The following UNC79 variants were observed in gnomAD, a reference collection of about 807,000 sequenced individuals.
The protein encoded by UNC79 is unc-79 subunit of NALCN channel complex, also known as protein unc-79 homolog.
In UNC79, 37 loss-of-function variants were observed where a neutral mutation model predicts 283.1. That is an observed-to-expected ratio of 0.13 (90% CI 0.10 to 0.17). The LOEUF (loss-of-function observed/expected upper bound fraction) is 0.17, where lower values mean the gene tolerates loss of function less well. Ranked by LOEUF, UNC79 falls within the 10% of genes least tolerant of loss-of-function variation. UNC79 has a pLI of 1.00. For synonymous variants in UNC79, 1,107 were observed against 1,200.2 expected (o/e 0.92, Z 1.61); for missense variants, 2,272 against 3,211.1 (o/e 0.71, Z 7.07).
At chr14:93,452,452 G>A (rs537073897) in intron 1 of UNC79, among the ~76,000 whole-genome samples, 24 of 148,032 alleles carry the variant, frequency 1.6e-4, no homozygotes, top group African/African-American at 5.5e-4. Context: ...GCAATGGCGC[G>A]ATCTCGGCTC....
chr14:93,529,176 AC>A, intron 9 of UNC79, 109 bp from the exon 10 acceptor site: 1 of 1,043,946 alleles, frequency 9.6e-7, no homozygotes, highest in Non-Finnish European at 1.4e-6. Context: ...TCTTAATTAT[AC>A]TTCCTTTCTA....
At chr14:93,349,027 G>A (rs1455659494) in intron 1 of UNC79, among the ~76,000 whole-genome samples, 1 of 152,188 alleles carries the variant, frequency 6.6e-6, no homozygotes, top group African/African-American at 2.4e-5. Flanking sequence ...GCCTTTAAGA[G>A]CTGTAACACT....
intron 40 of UNC79, among the ~76,000 whole-genome samples, chr14:93,663,670 T>C (rs1268835877): frequency 6.6e-6 from 1 of 152,210 alleles, no homozygotes; most frequent in African/African-American, 2.4e-5. Flanking sequence ...AGAAACTATT[T>C]ATTACCCTGC....
chr14:93,610,615 CTT>C (rs200749234), intron 26 of UNC79, among the ~76,000 whole-genome samples: 11 of 144,948 alleles, frequency 7.6e-5, no homozygotes, highest in Admixed American at 6.9e-5. Context: ...TTCTTTCTTT[CTT>C]TTTTTTTTTT....
exon 18 of UNC79, chr14:93,577,910 C>A: frequency 6.2e-7 from 1 of 1,614,186 alleles, no homozygotes; most frequent in East Asian, 2.2e-5. Flanking sequence ...ATAGTCCTTT[C>A]CAGAGTCCGT....
intron 4 of UNC79, among the ~76,000 whole-genome samples, chr14:93,486,243 C>T (rs1354104699): frequency 2.6e-5 from 4 of 152,072 alleles, no homozygotes; most frequent in African/African-American, 7.2e-5. Flanking sequence ...AAGTGTAAGG[C>T]GAGGTTTCTT....
At chr14:93,490,332 T>C (rs1489290847) in intron 5 of UNC79, among the ~76,000 whole-genome samples, 2 of 152,176 alleles carry the variant, frequency 1.3e-5, no homozygotes, top group African/African-American at 4.8e-5. Context: ...CTTCATCCTG[T>C]CAATACAGAT....
chr14:93,385,318 A>G (rs2054748000), intron 1 of UNC79, among the ~76,000 whole-genome samples: 1 of 152,110 alleles, frequency 6.6e-6, no homozygotes, highest in African/African-American at 2.4e-5. Context: ...ATCTCTTTCT[A>G]TTTTTTGGTG....
intron 41 of UNC79, among the ~76,000 whole-genome samples, chr14:93,680,749 C>T (rs960813499): frequency 6.6e-6 from 1 of 152,174 alleles, no homozygotes; most frequent in African/African-American, 2.4e-5. Context: ...TGTGCCACCA[C>T]ACCTGGCTAA....
At chr14:93,334,803 A>G (rs556956645) in intron 1 of UNC79, 1 of 152,328 alleles carries the variant, frequency 6.6e-6, no homozygotes, top group Non-Finnish European at 1.5e-5. Flanking sequence ...GGATTGGGGT[A>G]TATGTGGTGG....
chr14:93,566,152 C>T (rs1369378600), intron 14 of UNC79, among the ~76,000 whole-genome samples: 2 of 152,162 alleles, frequency 1.3e-5, no homozygotes, highest in Non-Finnish European at 2.9e-5. Context: ...ATCATGCTGG[C>T]TCACAAGCCT....
intron 22 of UNC79, 106 bp downstream of exon 22, chr14:93,587,014 C>T (rs2064267804): frequency 1.4e-6 from 2 of 1,397,172 alleles, no homozygotes; most frequent in Non-Finnish European, 1.9e-6. Flanking sequence ...ATTTTTTGAG[C>T]CAGGACAGCT....
chr14:93,611,378 TCAG>T (rs1189184228), intron 26 of UNC79, among the ~76,000 whole-genome samples: 1 of 152,172 alleles, frequency 6.6e-6, no homozygotes, highest in Non-Finnish European at 1.5e-5. Flanking sequence ...CTATCCCTTC[TCAG>T]CAGTTCACTT....
intron 10 of UNC79, 91 bp downstream of exon 10, chr14:93,529,417 A>C: frequency 1.4e-6 from 2 of 1,395,268 alleles, no homozygotes; most frequent in Non-Finnish European, 2.0e-6. Context: ...TATTTTACAA[A>C]GACAGTCACC....
rs139149620 is a variant in UNC79 at position 93,630,855 on chromosome 14, C to T, written c.5663C>T (p.Ala1888Val). 215 of 1,613,926 alleles carry T rather than the reference C, an allele frequency of 1.3e-4. No homozygotes were observed. Among genetic ancestry groups the T allele is most frequent in the Middle Eastern group, 1.6e-4 (1 of 6,084 alleles). Residue 1888 changes from alanine to valine, a missense_variant, in exon 31 of 49, where the codon GCC becomes GTC. Physicochemically the swap from Ala to Val is moderately conservative, Grantham distance 64. Coordinates refer to ENST00000555664, the Ensembl canonical transcript of UNC79. ...GAAATGCCACGAGAATCTTCATCTG[C>T]CCCTACGTTAGATGCAGGTGTGCCG... is the stretch of plus-strand genomic sequence containing the variant.
At chr14:93,663,338 T>A (rs765890355) in intron 40 of UNC79, among the ~76,000 whole-genome samples, 2 of 152,230 alleles carry the variant, frequency 1.3e-5, no homozygotes, top group Non-Finnish European at 2.9e-5. Flanking sequence ...AGCTGGTAGA[T>A]GCTGTCCTAA....
intron 33 of UNC79, 116 bp from the exon 37 acceptor site, chr14:93,643,441 A>G: frequency 6.9e-7 from 1 of 1,450,348 alleles, no homozygotes; most frequent in South Asian, 1.2e-5. Context: ...GGGGCTCCTG[A>G]TCTCCTTTTG....
chr14:93,524,243 A>C, intron 8 of UNC79, among the ~76,000 whole-genome samples: 1 of 152,216 alleles, frequency 6.6e-6, no homozygotes, highest in East Asian at 1.9e-4. Flanking sequence ...AGTTTTGGCT[A>C]TGCGTTCGTA....
At chr14:93,535,124 A>G (rs2061007512) in intron 11 of UNC79, among the ~76,000 whole-genome samples, 1 of 152,242 alleles carries the variant, frequency 6.6e-6, no homozygotes, top group African/African-American at 2.4e-5. Flanking sequence ...CTATGTGTTT[A>G]AAATTCAAAG....
Sources: allele counts gnomAD v4.1 joint callset (sites outside exome capture counted in the v4.1 genomes callset), GRCh38; gene constraint gnomAD v4.1.1; transcripts MANE v1.5; gene names NCBI Gene and HGNC (gene_info 2026-07-23, HGNC 2026-07-21).